TRAPPC9: variants seen among roughly 807,000 people sequenced by gnomAD.
TRAPPC9 encodes IKK2 binding protein.
TRAPPC9 carries 83 observed loss-of-function variants against 124.0 expected under a neutral mutation model. That is an observed-to-expected ratio of 0.67 (90% confidence interval 0.56 to 0.80). The LOEUF is 0.80. TRAPPC9 is among the 30% of genes least tolerant of loss of function. The pLI is 0.00. For synonymous variants in TRAPPC9, 638 were observed against 617.5 expected, an observed-to-expected ratio of 1.03 and a Z score of -0.49; for missense variants, 1,302 against 1,508.3, an observed-to-expected ratio of 0.86 and a Z score of 2.27.
At chr8:139,847,863 G>A (rs1214542443) in intron 21 of TRAPPC9, among the ~76,000 whole-genome samples, 1 of 152,240 alleles carries the variant, frequency 6.6e-6, no homozygotes, top group Non-Finnish European at 1.5e-5. Context: ...GACAGCTGGT[G>A]AAGGCAACAG....
chr8:139,775,712 C>T (rs909677278), intron 21 of TRAPPC9, among the ~76,000 whole-genome samples: 6 of 152,202 alleles, frequency 3.9e-5, no homozygotes, highest in Non-Finnish European at 8.8e-5. Flanking sequence ...CCCGACATCC[C>T]CCTAGCTGGC....
chr8:139,760,947 TG>T (rs1820179653), intron 21 of TRAPPC9, among the ~76,000 whole-genome samples: 1 of 152,074 alleles, frequency 6.6e-6, no homozygotes, highest in Non-Finnish European at 1.5e-5. Context: ...CCATATCAGA[TG>T]GGGTGGGTAG....
At chr8:140,049,068 C>A (rs1341384594) in intron 17 of TRAPPC9, among the ~76,000 whole-genome samples, 4 of 152,244 alleles carry the variant, frequency 2.6e-5, no homozygotes, top group African/African-American at 9.6e-5. Context: ...AGGCCCACAG[C>A]AACATCTGAT....
chr8:140,095,773 G>GC, intron 17 of TRAPPC9: 1 of 152,364 alleles, frequency 6.6e-6, no homozygotes, highest in East Asian at 1.9e-4. Flanking sequence ...CATCAGCCTT[G>GC]CCTTATGGAG....
At chr8:140,222,676 A>G (rs1159208514) in intron 16 of TRAPPC9, among the ~76,000 whole-genome samples, 1 of 152,208 alleles carries the variant, frequency 6.6e-6, no homozygotes, top group Non-Finnish European at 1.5e-5. Context: ...AATGAATGAG[A>G]TATTTGACTG....
At chr8:139,755,671 G>A in intron 21 of TRAPPC9, among the ~76,000 whole-genome samples, 1 of 138,034 alleles carries the variant, frequency 7.2e-6, no homozygotes, top group East Asian at 2.3e-4. Flanking sequence ...AGGACAGCAG[G>A]TCGCAGGAGG....
chr8:139,844,265 G>A (rs1223830892), intron 21 of TRAPPC9, among the ~76,000 whole-genome samples: 1 of 152,244 alleles, frequency 6.6e-6, no homozygotes, highest in Non-Finnish European at 1.5e-5. Context: ...GTGAAACAGG[G>A]CAACCTGAGA....
intron 19 of TRAPPC9, among the ~76,000 whole-genome samples, chr8:139,920,903 G>A (rs1418528300): frequency 6.6e-6 from 1 of 152,246 alleles, no homozygotes; most frequent in African/African-American, 2.4e-5. Flanking sequence ...TGAACTCGAG[G>A]AGAGAGGTCA....
In TRAPPC9 at chr8:140,430,380, A is replaced by C. The variant is rs376554189; in HGVS notation, c.860-3739T>G. Among the ~76,000 whole-genome samples, 25 of 151,852 alleles carry C rather than the reference A, an allele frequency of 1.6e-4. No homozygotes were observed. The East Asian group carries it at 2.9e-3, about 18-fold the overall frequency. On this transcript the variant is annotated intron_variant, in intron 4 of 22. Transcript: ENST00000438773. ...CCTAAGCACCACTGACCTCTTGCCC[A>C]CCCCCATTCCTCCCCCACCCAAGTG...
chr8:140,112,870 T>G (rs932169693), intron 17 of TRAPPC9, among the ~76,000 whole-genome samples: 11 of 148,718 alleles, frequency 7.4e-5, no homozygotes, highest in African/African-American at 2.7e-4. Flanking sequence ...AAATGGAGTC[T>G]CGCTCTGTCA....
intron 17 of TRAPPC9, among the ~76,000 whole-genome samples, chr8:140,072,680 T>C (rs1408559144): frequency 6.6e-5 from 10 of 151,836 alleles, no homozygotes. Context: ...GTATTATATC[T>C]ATATATTCAA....
intron 17 of TRAPPC9, among the ~76,000 whole-genome samples, chr8:140,111,645 T>C (rs1258467242): frequency 6.6e-6 from 1 of 152,196 alleles, no homozygotes; most frequent in Non-Finnish European, 1.5e-5. Context: ...ATGAGAGTCA[T>C]GCATTCATTA....
At chr8:140,058,030 C>A (rs1034118879) in intron 17 of TRAPPC9, among the ~76,000 whole-genome samples, 1 of 152,200 alleles carries the variant, frequency 6.6e-6, no homozygotes, top group Non-Finnish European at 1.5e-5. Flanking sequence ...TTTTTCTAAG[C>A]GCATTGCATA....
At chr8:139,811,926 G>A (rs577785330) in intron 21 of TRAPPC9, among the ~76,000 whole-genome samples, 4 of 152,322 alleles carry the variant, frequency 2.6e-5, no homozygotes, top group African/African-American at 9.6e-5. Flanking sequence ...AAAGAGAAAG[G>A]CAGGAGAAGC....
At chr8:139,942,722 C>T (rs1833990106) in intron 19 of TRAPPC9, among the ~76,000 whole-genome samples, 1 of 152,058 alleles carries the variant, frequency 6.6e-6, no homozygotes, top group Non-Finnish European at 1.5e-5. Context: ...AACAGACACC[C>T]GGAAGAAGGA....
At chr8:140,271,385 C>T (rs4736165) in intron 15 of TRAPPC9, among the ~76,000 whole-genome samples, 61,142 of 152,034 alleles carry the variant, frequency 0.4, 12,962 homozygotes, top group East Asian at 0.74. Context: ...AAGTTAAGAA[C>T]TTCTGTTCAT....
At chr8:140,409,418 T>C (rs2069614206) in intron 5 of TRAPPC9, among the ~76,000 whole-genome samples, 1 of 152,226 alleles carries the variant, frequency 6.6e-6, no homozygotes, top group African/African-American at 2.4e-5. Flanking sequence ...ACTACATTTA[T>C]GTTTACTTTT....
At chr8:140,143,526 T>G (rs960467923) in intron 17 of TRAPPC9, among the ~76,000 whole-genome samples, 1 of 152,272 alleles carries the variant, frequency 6.6e-6, no homozygotes, top group Non-Finnish European at 1.5e-5. Flanking sequence ...ATGTCCTTCT[T>G]AGAAGTTTGT....
intron 19 of TRAPPC9, among the ~76,000 whole-genome samples, chr8:139,949,854 C>G (rs1179764299): frequency 6.6e-6 from 1 of 152,086 alleles, no homozygotes; most frequent in Non-Finnish European, 1.5e-5. Context: ...TGTGAGTATC[C>G]TCAATACCAA....
Sources: allele counts gnomAD v4.1 joint callset (sites outside exome capture counted in the v4.1 genomes callset), GRCh38; gene constraint gnomAD v4.1.1; transcripts MANE v1.5; gene names NCBI Gene and HGNC (gene_info 2026-07-23, HGNC 2026-07-21).